Variants in GRK7 observed in about 807,000 individuals in gnomAD.
GRK7 encodes G protein-coupled receptor kinase 7, also known as rhodopsin kinase GRK7.
A neutral mutation model predicts 34.1 loss-of-function variants in GRK7; 24 were observed. The ratio of observed to expected loss-of-function variants is 0.70; its 90% CI spans 0.51 to 0.99. GRK7 has a LOEUF of 0.99. Among genes scored for constraint, GRK7 ranks in the 50% least tolerant of loss-of-function variants. The pLI is 0.00. For synonymous variants in GRK7, 256 were observed against 279.4 expected (o/e 0.92, Z 0.84); for missense variants, 644 against 707.3 (o/e 0.91, Z 1.02).
intron 4 of GRK7, among the ~76,000 whole-genome samples, chr3:141,797,195 G>A (rs1710894092): frequency 6.6e-6 from 1 of 152,228 alleles, no homozygotes; most frequent in Non-Finnish European, 1.5e-5. Context: ...TTCCAGGGGT[G>A]TCAGGGAGAG....
intron 1 of GRK7, among the ~76,000 whole-genome samples, chr3:141,772,439 C>T (rs1322731134): frequency 6.6e-6 from 1 of 152,192 alleles, no homozygotes; most frequent in Non-Finnish European, 1.5e-5. Flanking sequence ...TCAGAACTTA[C>T]ACTGCTCAAA....
At chr3:141,789,656 C>CAAAA (rs60765509) in intron 4 of GRK7, among the ~76,000 whole-genome samples, 6 of 119,230 alleles carry the variant, frequency 5.0e-5, no homozygotes, top group Admixed American at 8.2e-5. Context: ...GCCAAATGGG[C>CAAAA]AAAAAAAAAA....
the GRK7 span, among the ~76,000 whole-genome samples, chr3:141,757,129 C>CTTTTTT: frequency 1.3e-3 from 129 of 101,236 alleles, no homozygotes; most frequent in Non-Finnish European, 1.6e-3. Flanking sequence ...AGATCTTCTT[C>CTTTTTT]TTTTTTTTTT....
At chr3:141,752,642 T>G in the GRK7 span, among the ~76,000 whole-genome samples, 2 of 152,262 alleles carry the variant, frequency 1.3e-5, no homozygotes, top group African/African-American at 4.8e-5. Context: ...AAGAGCTTTA[T>G]GTATATTAAC....
chr3:141,771,435 C>A (rs1216371524), intron 1 of GRK7, among the ~76,000 whole-genome samples: 1 of 134,530 alleles, frequency 7.4e-6, no homozygotes, highest in East Asian at 2.3e-4. Context: ...ATAATAAACA[C>A]TAAAGTCTAG....
In GRK7 at chr3:141,780,532, C is replaced by T. The variant is rs771461023; in HGVS notation, c.771C>T (p.Ala257=). The change falls in exon 4 of 6, where the codon GCC becomes GCT. Residue 257 remains alanine, a synonymous_variant. Coordinates refer to ENST00000682958, the MANE Select transcript of GRK7 (RefSeq NM_139209.3). ...SSPFIVSLAY[A]FESKTHLCLV... is the part of the protein sequence containing the mutation. ...CTTTCATTGTCTCTCTGGCCTATGC[C>T]TTTGAGAGCAAGACCCATCTCTGCC... is the stretch of plus-strand genomic sequence containing the variant. The T allele has an allele frequency of 1.2e-6, 2 of 1,614,208 alleles. No individual in the cohort carries two copies. Among genetic ancestry groups the T allele is most frequent in the East Asian group, 4.5e-5 (2 of 44,882 alleles).
intron 3 of GRK7, among the ~76,000 whole-genome samples, chr3:141,779,823 T>G (rs953601293): frequency 6.6e-6 from 1 of 152,240 alleles, no homozygotes; most frequent in African/African-American, 2.4e-5. Context: ...TTGGGGTTCA[T>G]TCACACTGTA....
chr3:141,770,258 C>T (rs2084610861), intron 1 of GRK7, among the ~76,000 whole-genome samples: 1 of 152,164 alleles, frequency 6.6e-6, no homozygotes, highest in Non-Finnish European at 1.5e-5. Flanking sequence ...TTCCAGCTTT[C>T]AGGAAATATC....
rs1282756526 is a variant in GRK7 at position 141,817,190 on chromosome 3, G to C, written c.*140G>C. 3 of 614,610 alleles carry C rather than the reference G, an allele frequency of 4.9e-6. No individual in the cohort carries two copies. The highest frequency in any genetic ancestry group is 8.4e-6 in the Non-Finnish European group (3 of 358,590). 38.1% of individuals were successfully genotyped at this position (614,610 alleles called of 1,614,324 possible). A position where few individuals can be genotyped will look rare whatever the true frequency, so the allele number is the denominator to read the frequency against. On this transcript the variant is annotated 3_prime_UTR_variant, in exon 6 of 6. Coordinates refer to ENST00000682958, the MANE Select transcript of GRK7 (RefSeq NM_139209.3). ...ACAAAACAATTCAAAAGACAGGCAA[G>C]CTCACTACTAGAACACATTTTATTT...
At chr3:141,750,637 A>C in the GRK7 span, among the ~76,000 whole-genome samples, 1 of 152,150 alleles carries the variant, frequency 6.6e-6, no homozygotes, top group Non-Finnish European at 1.5e-5. Context: ...TGCCTTAATT[A>C]TAGAATTGCT....
intron 5 of GRK7, among the ~76,000 whole-genome samples, chr3:141,812,449 C>G (rs1711102084): frequency 6.6e-6 from 1 of 152,172 alleles, no homozygotes; most frequent in African/African-American, 2.4e-5. Flanking sequence ...TGCAAAAGAT[C>G]AAAGACATCA....
At chr3:141,768,514 A>G (rs1332530987) in intron 1 of GRK7, among the ~76,000 whole-genome samples, 1 of 152,080 alleles carries the variant, frequency 6.6e-6, no homozygotes, top group African/African-American at 2.4e-5. Flanking sequence ...TCCTGACCTC[A>G]GGTGATCCAC....
At chr3:141,788,334 G>A (rs1179516342) in intron 4 of GRK7, among the ~76,000 whole-genome samples, 1 of 152,128 alleles carries the variant, frequency 6.6e-6, no homozygotes, top group African/African-American at 2.4e-5. Context: ...AAAGAGACTA[G>A]AGCTGGGGAG....
At chr3:141,762,402 G>A (rs1202039549), upstream of GRK7, among the ~76,000 whole-genome samples, 1 of 143,850 alleles carries the variant, frequency 7.0e-6, no homozygotes, top group African/African-American at 2.5e-5. Context: ...CCCCTGCTGG[G>A]GGGTGCCTCC....
Position 141,780,805 on chromosome 3 carries a change from C to T in GRK7, c.1044C>T (p.Thr348=). 2 of 1,611,870 alleles carry T rather than the reference C, an allele frequency of 1.2e-6. No individual in the cohort carries two copies. The highest frequency in any genetic ancestry group is 1.7e-6 in the Non-Finnish European group (2 of 1,178,494). ...AVEMKGGKPI[T]QRAGTNGYMA... ...AGATGAAGGGTGGCAAGCCCATCAC[C>T]CAGAGGGTGAGTGACTCTCCACCTG... is the stretch of plus-strand genomic sequence containing the variant. The change falls in exon 4 of 6, where the codon ACC becomes ACT. Residue 348 remains threonine, a synonymous_variant. Transcript: ENST00000682958.
At chr3:141,763,150 C>T (rs530846830), upstream of GRK7, among the ~76,000 whole-genome samples, 1 of 152,352 alleles carries the variant, frequency 6.6e-6, no homozygotes, top group South Asian at 2.1e-4. Context: ...TTGGCTCCTC[C>T]TCCAGATCTT....
At chr3:141,763,293 GGCACCTAATAAA>G, upstream of GRK7, among the ~76,000 whole-genome samples, 1 of 151,268 alleles carries the variant, frequency 6.6e-6, no homozygotes, top group East Asian at 2.0e-4. Flanking sequence ...GAGGGCATAA[GGCACCTAATAAA>G]GCATAGGAGC....
chr3:141,759,060 G>A (rs2084543496), upstream of GRK7, among the ~76,000 whole-genome samples: 3 of 141,730 alleles, frequency 2.1e-5, no homozygotes, highest in African/African-American at 7.9e-5. Context: ...TTTGGGCTGA[G>A]ACAATGGGGT....
Position 141,778,033 on chromosome 3 carries a change from G to T in GRK7, c.-113-139G>T. The T allele has an allele frequency of 4.2e-6, 2 of 481,050 alleles. No homozygotes were observed. Among genetic ancestry groups the T allele is most frequent in the East Asian group, 6.8e-5 (2 of 29,550 alleles). The allele number at this position is 481,050 out of a possible 1,614,324, so 29.8% of individuals were successfully genotyped here. A position where few individuals can be genotyped will look rare whatever the true frequency, so the allele number is the denominator to read the frequency against. Reference sequence around the variant, plus strand: ...AGGGACCAGTGGGGGAGGTGGCCCCGGCAGGTGTCCCAGCAGCTTTCGCCT... The same window carrying T: ...AGGGACCAGTGGGGGAGGTGGCCCCTGCAGGTGTCCCAGCAGCTTTCGCCT... On this transcript the variant is annotated intron_variant, in intron 2 of 5. Coordinates refer to ENST00000682958, the MANE Select transcript of GRK7 (RefSeq NM_139209.3). This position sits in a 1 kb window ranked among gnomAD's most constrained non-coding sequence, Gnocchi z 4.1.
Sources: allele counts gnomAD v4.1 joint callset (sites outside exome capture counted in the v4.1 genomes callset), GRCh38; gene constraint gnomAD v4.1.1; non-coding constraint Gnocchi (gnomAD v3.1); transcripts MANE v1.5; gene names NCBI Gene and HGNC (gene_info 2026-07-23, HGNC 2026-07-21).